Variants in GLDC observed in about 807,000 individuals in gnomAD.
The protein encoded by GLDC is glycine dehydrogenase (decarboxylating), mitochondrial.
A neutral mutation model predicts 121.3 loss-of-function variants in GLDC; 104 were observed. The ratio of observed to expected loss-of-function variants is 0.86; its 90% CI spans 0.73 to 1.01. GLDC has a LOEUF of 1.01. Ranked by LOEUF, GLDC falls within the 50% of genes least tolerant of loss-of-function variation. The pLI is 0.00. For missense variants in GLDC, 1,429 were observed against 1,306.6 expected (o/e 1.09, Z -1.44); for synonymous variants, 546 against 480.6 (o/e 1.14, Z -1.78).
Position 6,592,999 on chromosome 9 carries a change from GA to G in GLDC, c.1262-10del. The G allele has an allele frequency of 6.2e-7, 1 of 1,613,956 alleles. No individual in the cohort carries two copies. The highest frequency in any genetic ancestry group is 1.1e-5 in the South Asian group (1 of 91,082). Reference sequence around the variant, plus strand: ...CCCTGCTCGCTTGAGACCTACACAAGATAGGAGATCCCCCAAACTCTCATAT... The same window carrying G: ...CCCTGCTCGCTTGAGACCTACACAAGTAGGAGATCCCCCAAACTCTCATAT... On this transcript the variant is annotated splice_polypyrimidine_tract_variant and intron_variant, in intron 9 of 24. Coordinates refer to ENST00000321612, the MANE Select transcript of GLDC (RefSeq NM_000170.3).
chr9:6,636,314 A>G (rs55859853), intron 2 of GLDC, among the ~76,000 whole-genome samples: 1 of 151,916 alleles, frequency 6.6e-6, no homozygotes, highest in East Asian at 1.9e-4. Context: ...AAAAAAAAAA[A>G]AAACACTTTG....
chr9:6,532,850 A>AC lies in GLDC; in HGVS notation c.*166dup, dbSNP rs1817029385. ...ATCCGTCTTCCAACCATCAGCTTCG[A>AC]CTCCCTCCAGCTACTGTATTTACAT... On this transcript the variant is annotated 3_prime_UTR_variant, in exon 25 of 25. Coordinates refer to ENST00000321612, the MANE Select transcript of GLDC (RefSeq NM_000170.3). 2.9e-6 allele frequency: 2 copies of AC among 680,070 alleles called. No homozygotes were observed. Among genetic ancestry groups the AC allele is most frequent in the African/African-American group, 3.5e-5 (2 of 56,398 alleles). 42.1% of individuals were successfully genotyped at this position (680,070 alleles called of 1,614,324 possible).
intron 15 of GLDC, among the ~76,000 whole-genome samples, chr9:6,570,093 T>C (rs1817928840): frequency 6.6e-6 from 1 of 152,210 alleles, no homozygotes; most frequent in African/African-American, 2.4e-5. Context: ...ATGCTTTTTA[T>C]ATATGCAAAA....
chr9:6,589,477 C>A (rs1205866426), intron 11 of GLDC, among the ~76,000 whole-genome samples, 185 bp from the exon 12 acceptor site: 2 of 152,116 alleles, frequency 1.3e-5, no homozygotes, highest in Non-Finnish European at 2.9e-5. Context: ...AGCACCCAGG[C>A]TAGAGTGCAG....
At chr9:6,593,476 A>G (rs76566603) in intron 9 of GLDC, among the ~76,000 whole-genome samples, 4,818 of 151,150 alleles carry the variant, frequency 0.032, 102 homozygotes, top group Middle Eastern at 0.048. Flanking sequence ...TAATTTTTTA[A>G]ATTTTTTGAA....
intron 2 of GLDC, among the ~76,000 whole-genome samples, chr9:6,625,050 A>G (rs1190231614): frequency 3.3e-5 from 5 of 151,778 alleles, no homozygotes; most frequent in Non-Finnish European, 7.4e-5. Context: ...TTTCCCACAC[A>G]TCATTAAGAT....
intron 15 of GLDC, among the ~76,000 whole-genome samples, chr9:6,575,054 T>C (rs771896056): frequency 4.6e-5 from 7 of 152,036 alleles, no homozygotes; most frequent in Non-Finnish European, 1.0e-4. Flanking sequence ...TCCCACTTCT[T>C]AGCCAGGTGT....
chr9:6,535,858 C>G, intron 23 of GLDC: 1 of 602,498 alleles, frequency 1.7e-6, no homozygotes, highest in Non-Finnish European at 3.0e-6. Flanking sequence ...TGGACAGCTT[C>G]CACAACCACA....
chr9:6,604,459 T>G, intron 7 of GLDC, 129 bp downstream of exon 7: 1 of 846,328 alleles, frequency 1.2e-6, no homozygotes, highest in South Asian at 1.5e-5. Flanking sequence ...CTTCTGAATC[T>G]ATGTTGTACA....
chr9:6,575,612 G>A (rs1218985234), intron 15 of GLDC, among the ~76,000 whole-genome samples: 4 of 152,196 alleles, frequency 2.6e-5, no homozygotes, highest in Admixed American at 2.6e-4. Context: ...GAGATTCTGG[G>A]AAAAGCAATG....
chr9:6,578,926 C>A (rs1017561074), intron 15 of GLDC, among the ~76,000 whole-genome samples: 3 of 152,114 alleles, frequency 2.0e-5, no homozygotes, highest in Non-Finnish European at 4.4e-5. Context: ...GTGAATTTTG[C>A]TCATCTTTCT....
chr9:6,631,779 C>T (rs910073986), intron 2 of GLDC, among the ~76,000 whole-genome samples: 14 of 152,158 alleles, frequency 9.2e-5, no homozygotes, highest in African/African-American at 3.4e-4. Context: ...AGATCAAAGG[C>T]ATATGGGCTG....
chr9:6,594,741 A>C (rs1307494180), intron 9 of GLDC, among the ~76,000 whole-genome samples: 1 of 151,706 alleles, frequency 6.6e-6, no homozygotes, highest in Non-Finnish European at 1.5e-5. Context: ...GAAAGCAAGA[A>C]AGCAAGCAAG....
chr9:6,595,097 G>A lies in GLDC; in HGVS notation c.1178C>T (p.Ala393Val). 6.2e-7 allele frequency: 1 copy of A among 1,611,922 alleles called. No individual in the cohort carries two copies. Among genetic ancestry groups the A allele is most frequent in the Non-Finnish European group, 8.5e-7 (1 of 1,178,456 alleles). The change falls in exon 9 of 25, where the codon GCC (alanine) becomes GTC (valine). Residue 393 changes from alanine (A) to valine (V), a missense_variant. Ala to Val is a moderately conservative substitution (Grantham distance 64). Transcript: ENST00000321612. ...GGAACCATGGTAGATTGCAAACATG[G>A]CAGCCATATTCGCCAAGAGGGCCTA... ...TAQALLANMA[A>V]MFAIYHGSHG...
chr9:6,553,502 G>A lies in GLDC; in HGVS notation c.2323C>T (p.His775Tyr), dbSNP rs1554643619. Residue 775 changes from histidine (H) to tyrosine (Y), a missense_variant, in exon 20 of 25, where the codon CAT (histidine) becomes TAT (tyrosine). Transcript: ENST00000321612. ...PGMGPIGVKK[H>Y]LAPFLPNHPV... ...TGATTGGGCAAAAACGGGGCGAGAT[G>A]TTTCTTCCTGTATTTTTTTTAAGTG... The A allele has an allele frequency of 1.2e-6, 2 of 1,606,172 alleles. No homozygotes were observed. The highest frequency in any genetic ancestry group is 1.7e-6 in the Non-Finnish European group (2 of 1,175,790).
At position 6,588,688 on chromosome 9, in the gene GLDC, G is replaced by A. The variant is rs386833527; in HGVS notation, c.1595C>T (p.Thr532Ile). 2 of 1,612,424 alleles carry A rather than the reference G, an allele frequency of 1.2e-6. No homozygotes were observed. The highest frequency in any genetic ancestry group is 1.7e-6 in the Non-Finnish European group (2 of 1,178,480). The change falls in exon 13 of 25, where the codon ACA becomes ATA. Residue 532 changes from threonine to isoleucine, a missense_variant. By Grantham distance (89) the Thr-to-Ile change is moderately conservative. Transcript: ENST00000321612. ...HQVFNSYHSE[T>I]NIVRYMKKLE... Reference sequence around the variant, plus strand: ...TTTCTTCATGTACCGGACAATGTTTGTTTCAGAGTGGTAGCTGTGAACACA... The same window carrying A: ...TTTCTTCATGTACCGGACAATGTTTATTTCAGAGTGGTAGCTGTGAACACA...
At chr9:6,612,248 C>G (rs1369180905) in intron 3 of GLDC, among the ~76,000 whole-genome samples, 2 of 139,926 alleles carry the variant, frequency 1.4e-5, no homozygotes, top group East Asian at 2.4e-4. Context: ...TTCTCTCTCT[C>G]TCTCTCACAC....
At chr9:6,595,147 A>G (rs760250912) in intron 8 of GLDC, 28 bp from the exon 9 acceptor site, 1 of 1,429,664 alleles carries the variant, frequency 7.0e-7, no homozygotes, top group Non-Finnish European at 9.9e-7. Context: ...TTAAAGAATC[A>G]CGTGATGGAG....
chr9:6,551,527 T>C (rs77358755), intron 20 of GLDC, among the ~76,000 whole-genome samples: 1,719 of 152,294 alleles, frequency 0.011, 16 homozygotes, highest in Middle Eastern at 0.017. Context: ...GGAGTTGGCA[T>C]ATATATTAAA....
Sources: gnomAD v4.1 joint callset for allele counts (sites outside exome capture counted in the v4.1 genomes callset) on GRCh38, gnomAD v4.1.1 for gene constraint, MANE v1.5 for transcripts, NCBI Gene and HGNC (gene_info 2026-07-23, HGNC 2026-07-21) for gene names.